The following AGFG2 variants were observed in gnomAD, a reference collection of about 807,000 sequenced individuals.
The protein encoded by AGFG2 is arf-GAP domain and FG repeat-containing protein 2.
Under a neutral mutation model 48.0 loss-of-function variants are expected in AGFG2, and 31 were observed. The ratio of observed to expected loss-of-function variants is 0.65; its 90% CI spans 0.49 to 0.87. The LOEUF (loss-of-function observed/expected upper bound fraction) is 0.87. AGFG2 is among the 40% of genes least tolerant of loss of function. AGFG2 has a pLI of 0.00. For missense variants in AGFG2, 599 were observed against 632.6 expected (o/e 0.95, Z 0.57); for synonymous variants, 229 against 260.8 (o/e 0.88, Z 1.18).
intron 6 of AGFG2, chr7:100,556,739 A>T (rs1800766562): frequency 4.7e-6 from 4 of 853,324 alleles, no homozygotes; most frequent in Non-Finnish European, 6.5e-6. Flanking sequence ...CAGTTAAGCA[A>T]TTTCCCTAGT....
chr7:100,562,764 A>G lies in AGFG2; in HGVS notation c.1087+82A>G. ...GGACTCTGGACAGGGTGGGAAGGGG[A>G]GAGATTGAGAGGAATGCTCAGGCAT... is the stretch of plus-strand genomic sequence containing the variant. On this transcript the variant is annotated intron_variant, in intron 8 of 11. Coordinates refer to ENST00000300176, the MANE Select transcript of AGFG2 (RefSeq NM_006076.5). The surrounding 1 kb of genome is among the most constrained non-coding windows in gnomAD (Gnocchi z 5.4). 6.3e-7 allele frequency: 1 copy of G among 1,590,426 alleles called. No individual in the cohort carries two copies. Among genetic ancestry groups the G allele is most frequent in the Non-Finnish European group, 8.6e-7 (1 of 1,164,348 alleles).
rs769142717 is a variant in AGFG2, at chr7:100,564,917, GTTC to G, written c.1387-12_1387-10del. The G allele has an allele frequency of 4.3e-6, 7 of 1,613,628 alleles. No individual in the cohort carries two copies. In the African/African-American group the frequency reaches 9.3e-5, roughly 22 times the overall value. On this transcript the variant is annotated splice_polypyrimidine_tract_variant and intron_variant, in intron 11 of 11. Transcript: ENST00000300176. Reference sequence around the variant, plus strand: ...CTCTCCCCTAACTGGAAAATGTATTGTTCTTTCTTTCCAGACTGGACCCTCATC... The same window carrying G: ...CTCTCCCCTAACTGGAAAATGTATTGTTTCTTTCCAGACTGGACCCTCATC...
chr7:100,556,689 T>C, intron 6 of AGFG2: 2 of 1,235,514 alleles, frequency 1.6e-6, no homozygotes, highest in Non-Finnish European at 2.1e-6. Flanking sequence ...TTTTGAGGGC[T>C]GGAAGGAACC....
intron 6 of AGFG2, among the ~76,000 whole-genome samples, chr7:100,557,021 A>G (rs747018937): frequency 8.6e-5 from 13 of 152,046 alleles, no homozygotes; most frequent in Admixed American, 3.3e-4. Flanking sequence ...AACATGGTGA[A>G]ACACCGTCTC....
chr7:100,544,854 C>A (rs1383331486), intron 1 of AGFG2, among the ~76,000 whole-genome samples: 4 of 152,016 alleles, frequency 2.6e-5, no homozygotes, highest in Non-Finnish European at 5.9e-5. Context: ...TGGCTCTAAT[C>A]AACAGGACAG....
At chr7:100,539,853 C>T in intron 1 of AGFG2, among the ~76,000 whole-genome samples, 1 of 151,742 alleles carries the variant, frequency 6.6e-6, no homozygotes, top group Non-Finnish European at 1.5e-5. Flanking sequence ...GGGGTCGAGG[C>T]AAACTGCAAG....
chr7:100,547,052 A>G (rs538900577), intron 1 of AGFG2, among the ~76,000 whole-genome samples: 3 of 152,276 alleles, frequency 2.0e-5, no homozygotes, highest in Admixed American at 6.5e-5. Context: ...AACAGCGTCA[A>G]CTGGAGCCTC....
chr7:100,539,255 G>A lies in AGFG2; in HGVS notation c.-92G>A, dbSNP rs531556988. On this transcript the variant is annotated 5_prime_UTR_variant, in exon 1 of 12. Transcript: ENST00000300176. ...CCGCCCGCTCCCGAGCTTCTGTCAG[G>A]GGAGCCGGGCGTGCGGAGGCGGCTG... The A allele has an allele frequency of 2.0e-5, 24 of 1,223,886 alleles. No homozygotes were observed. The African/African-American group carries it at 3.4e-4, about 18-fold the overall frequency. The allele number at this position is 1,223,886 out of a possible 1,614,324, so 75.8% of individuals were successfully genotyped here. A position where few individuals can be genotyped will look rare whatever the true frequency, so the allele number is the denominator to read the frequency against.
chr7:100,560,505 T>G (rs1800843083), intron 6 of AGFG2, among the ~76,000 whole-genome samples: 1 of 152,152 alleles, frequency 6.6e-6, no homozygotes, highest in African/African-American at 2.4e-5. Context: ...CTAGCCTGTC[T>G]TGCATCCTGT....
At chr7:100,550,730 A>C (rs1562791608) in intron 3 of AGFG2, among the ~76,000 whole-genome samples, 3 of 152,078 alleles carry the variant, frequency 2.0e-5, no homozygotes. Context: ...TTTTGGAGAG[A>C]TAGTAGACTG....
intron 1 of AGFG2, among the ~76,000 whole-genome samples, chr7:100,543,786 A>G (rs1483826734): frequency 6.6e-6 from 1 of 152,170 alleles, no homozygotes; most frequent in Non-Finnish European, 1.5e-5. Flanking sequence ...GGGTTGAGAG[A>G]AAGGCTGCTA....
chr7:100,564,279 T>C lies in AGFG2; in HGVS notation c.1362T>C (p.Ala454=). The C allele has an allele frequency of 6.2e-7, 1 of 1,613,864 alleles. No homozygotes were observed. Among genetic ancestry groups the C allele is most frequent in the Non-Finnish European group, 8.5e-7 (1 of 1,179,910 alleles). The change falls in exon 11 of 12, where the codon GCT becomes GCC. Residue 454 remains alanine (A), a synonymous_variant. Coordinates refer to ENST00000300176, the MANE Select transcript of AGFG2 (RefSeq NM_006076.5). The part of the protein sequence containing the change: ...KLGQRPLSQP[A]GISTNPFMTG... ...GGCAGAGGCCACTGAGCCAGCCAGCTGGGATCTCCACCAACCCCTTCATGG... is the reference window on the plus strand; with the variant it reads ...GGCAGAGGCCACTGAGCCAGCCAGCCGGGATCTCCACCAACCCCTTCATGG...
At position 100,564,847 on chromosome 7, in the gene AGFG2, C is replaced by G; in HGVS notation, c.1387-85C>G. ...CACTGCCCTCAGCATAGCGATTTTTCAGGAGAAAGGACTCCTGGCTGCCTT... is the reference window on the plus strand; with the variant it reads ...CACTGCCCTCAGCATAGCGATTTTTGAGGAGAAAGGACTCCTGGCTGCCTT... On this transcript the variant is annotated intron_variant, in intron 11 of 11. Transcript: ENST00000300176. 3 of 1,473,016 alleles carry G rather than the reference C, an allele frequency of 2.0e-6. No homozygotes were observed. The South Asian group carries it at 3.4e-5, about 17-fold the overall frequency. 91.2% of individuals were successfully genotyped at this position (1,473,016 alleles called of 1,614,324 possible).
Position 100,550,480 on chromosome 7 carries a change from T to C in AGFG2, c.400T>C (p.Phe134Leu). ...DSRDPQKVKEFLQEKYEKKRW... is the reference protein window; with the variant it reads ...DSRDPQKVKELLQEKYEKKRW... ...CAGGGATCCTCAGAAAGTGAAGGAG[T>C]TTCTCCAGGAAAAATATGAGAAGAA... Residue 134 changes from phenylalanine (F) to leucine (L), a missense_variant, in exon 3 of 12, where the codon TTT (phenylalanine) becomes CTT (leucine). Phe to Leu is a conservative substitution (Grantham distance 22). Transcript: ENST00000300176. The C allele has an allele frequency of 6.2e-7, 1 of 1,613,748 alleles. No individual in the cohort carries two copies. Among genetic ancestry groups the C allele is most frequent in the Non-Finnish European group, 8.5e-7 (1 of 1,179,828 alleles).
chr7:100,554,277 G>A lies in AGFG2; in HGVS notation c.751+19G>A. On this transcript the variant is annotated intron_variant, in intron 5 of 11. Transcript: ENST00000300176. ...TTTGGGGGTAAGTGGGTTTTGGGATGGGACCCTCCCTACAGCGTATATGCT... is the reference window on the plus strand; with the variant it reads ...TTTGGGGGTAAGTGGGTTTTGGGATAGGACCCTCCCTACAGCGTATATGCT... The A allele has an allele frequency of 6.2e-7, 1 of 1,606,140 alleles. No homozygotes were observed. Among genetic ancestry groups the A allele is most frequent in the Non-Finnish European group, 8.5e-7 (1 of 1,175,754 alleles).
chr7:100,556,709 TG>T, intron 6 of AGFG2: 1 of 1,188,610 alleles, frequency 8.4e-7, no homozygotes, highest in African/African-American at 1.6e-5. Context: ...CCTTAAAATT[TG>T]GCCATTTGAC....
intron 1 of AGFG2, among the ~76,000 whole-genome samples, chr7:100,544,102 A>G (rs1800470423): frequency 6.6e-6 from 1 of 152,210 alleles, no homozygotes; most frequent in Admixed American, 6.5e-5. Flanking sequence ...TGAATGAACC[A>G]CTGTTCCTCA....
At chr7:100,563,649 G>A (rs1270837228) in intron 9 of AGFG2, among the ~76,000 whole-genome samples, 185 bp from the exon 10 acceptor site, 2 of 152,288 alleles carry the variant, frequency 1.3e-5, no homozygotes, top group Middle Eastern at 3.4e-3. Context: ...ACGTACCCCC[G>A]GGCAGGGAGA....
Position 100,550,677 on chromosome 7 carries a change from A to T in AGFG2, c.431+166A>T, listed in dbSNP as rs910315268. 2.0e-5 allele frequency among the ~76,000 whole-genome samples: 3 copies of T among 152,224 alleles called. No individual in the cohort carries two copies. In the Middle Eastern group the frequency reaches 0.01, roughly 518 times the overall value. ...CTAAAATAAATCTACATGAAAGGAC[A>T]ACTTGTTCTCAGTCACTAACCCTGC... is the stretch of plus-strand genomic sequence containing the variant. On this transcript the variant is annotated intron_variant, in intron 3 of 11. Transcript: ENST00000300176.
Sources: allele counts gnomAD v4.1 joint callset (sites outside exome capture counted in the v4.1 genomes callset), GRCh38; gene constraint gnomAD v4.1.1; non-coding constraint Gnocchi (gnomAD v3.1); transcripts MANE v1.5; gene names NCBI Gene and HGNC (gene_info 2026-07-23, HGNC 2026-07-21).